CCDC6: variants seen among roughly 807,000 people sequenced by gnomAD.
CCDC6 encodes coiled-coil domain-containing protein 6.
In CCDC6, 20 loss-of-function variants were observed where a neutral mutation model predicts 56.6. The observed-to-expected ratio is 0.35, with a 90% CI of 0.25 to 0.51. The LOEUF (loss-of-function observed/expected upper bound fraction) is 0.51, where lower values mean the gene tolerates loss of function less well. Among genes scored for constraint, CCDC6 ranks in the 20% least tolerant of loss-of-function variants. The pLI, the probability that CCDC6 is intolerant of heterozygous loss-of-function variation, is 0.95. For synonymous variants in CCDC6, 241 were observed against 234.4 expected (o/e 1.03, Z -0.26); for missense variants, 367 against 601.1 (o/e 0.61, Z 4.07).
chr10:59,804,480 T>G lies in CCDC6; in HGVS notation c.1045A>C (p.Thr349Pro). Reference protein sequence around the residue: ...EMSAQGLRPRTVSSPIPYTPS... With the variant: ...EMSAQGLRPRPVSSPIPYTPS... ...GTGTAAGGGATCGGGCTGGACACAG[T>G]GCGAGGTCTTAATCCTTGTGCAGAC... The change falls in exon 7 of 9, where the codon ACT becomes CCT. Residue 349 changes from threonine to proline, a missense_variant. By Grantham distance (38) the Thr-to-Pro change is conservative (BLOSUM62 -1). Coordinates refer to ENST00000263102, the MANE Select transcript of CCDC6 (RefSeq NM_005436.5). The G allele has an allele frequency of 6.2e-7, 1 of 1,613,184 alleles. No homozygotes were observed. Among genetic ancestry groups the G allele is most frequent in the Non-Finnish European group, 8.5e-7 (1 of 1,179,230 alleles).
chr10:59,890,538 T>C (rs2071414209), intron 1 of CCDC6, among the ~76,000 whole-genome samples: 4 of 152,108 alleles, frequency 2.6e-5, no homozygotes, highest in Admixed American at 2.6e-4. Context: ...AAGGAAGAAC[T>C]GTGCTGAATG....
chr10:59,864,300 G>A (rs924505566), intron 1 of CCDC6, among the ~76,000 whole-genome samples: 1 of 152,130 alleles, frequency 6.6e-6, no homozygotes, highest in African/African-American at 2.4e-5. Flanking sequence ...CAGATGCAGA[G>A]TCCACTCAAA....
intron 1 of CCDC6, among the ~76,000 whole-genome samples, chr10:59,884,638 T>C (rs2071368752): frequency 1.5e-5 from 2 of 133,986 alleles, no homozygotes; most frequent in African/African-American, 5.0e-5. Flanking sequence ...ACTCATGAGA[T>C]GTGTAAAGTA....
At position 59,792,564 on chromosome 10, in the gene CCDC6, T is replaced by A. The variant is rs1486928159; in HGVS notation, c.*353A>T. ...CATGGAAAAAAATATAAAAAAGATA[T>A]CCCTTTTTCTTTTACAAACCTAAAA... On this transcript the variant is annotated 3_prime_UTR_variant, in exon 9 of 9. Transcript: ENST00000263102. 2 of 566,486 alleles carry A rather than the reference T, an allele frequency of 3.5e-6. No homozygotes were observed. Among genetic ancestry groups the A allele is most frequent in the Non-Finnish European group, 6.6e-6 (2 of 301,134 alleles). The allele number at this position is 566,486 out of a possible 1,614,324, so 35.1% of individuals were successfully genotyped here. A position where few individuals can be genotyped will look rare whatever the true frequency, so the allele number is the denominator to read the frequency against.
intron 2 of CCDC6, among the ~76,000 whole-genome samples, chr10:59,845,904 G>A (rs1022734681): frequency 1.3e-5 from 2 of 152,170 alleles, no homozygotes; most frequent in Non-Finnish European, 1.5e-5. Flanking sequence ...TAGTCTTGGC[G>A]CCTTTGAAAT....
At chr10:59,844,866 G>T (rs1419566127) in intron 2 of CCDC6, among the ~76,000 whole-genome samples, 1 of 151,774 alleles carries the variant, frequency 6.6e-6, no homozygotes, top group Non-Finnish European at 1.5e-5. Context: ...TTAGCCCAAA[G>T]AATTCATTCT....
Position 59,814,744 on chromosome 10 carries a change from C to T in CCDC6, c.594G>A (p.Glu198=). The change falls in exon 4 of 9, where the codon GAG becomes GAA. Residue 198 remains glutamate, a synonymous_variant. Coordinates refer to ENST00000263102, the MANE Select transcript of CCDC6 (RefSeq NM_005436.5). ...KQLTLEQLRR[E]KIDLENTLEQ... Reference sequence around the variant, plus strand: ...CCAATGTATTTTCAAGGTCAATCTTCTCCCGTCTCAACTAAAGGAAGGAAA... The same window carrying T: ...CCAATGTATTTTCAAGGTCAATCTTTTCCCGTCTCAACTAAAGGAAGGAAA... 6.2e-7 allele frequency: 1 copy of T among 1,609,284 alleles called. No individual in the cohort carries two copies. The highest frequency in any genetic ancestry group is 8.5e-7 in the Non-Finnish European group (1 of 1,175,682).
intron 1 of CCDC6, among the ~76,000 whole-genome samples, chr10:59,863,780 T>A (rs2071154767): frequency 2.6e-5 from 4 of 152,162 alleles, no homozygotes; most frequent in Non-Finnish European, 5.9e-5. Flanking sequence ...TTAAATGACC[T>A]TAGAAAGCAA....
intron 8 of CCDC6, 100 bp downstream of exon 8, chr10:59,794,373 A>T: frequency 8.4e-7 from 1 of 1,191,692 alleles, no homozygotes; most frequent in Non-Finnish European, 1.2e-6. Context: ...GGAGGCAGGA[A>T]GAAGGGCAAA....
Position 59,906,329 on chromosome 10 carries a change from G to T in CCDC6, c.96C>A (p.Gly32=). 6.3e-7 allele frequency: 1 copy of T among 1,599,896 alleles called. No homozygotes were observed. The highest frequency in any genetic ancestry group is 8.5e-7 in the Non-Finnish European group (1 of 1,178,816). Residue 32 remains glycine (G), a synonymous_variant, in exon 1 of 9, where the codon GGC becomes GGA. Coordinates refer to ENST00000263102, the MANE Select transcript of CCDC6 (RefSeq NM_005436.5). ...CGCCTCCCCCGCCGCCACCGCCGCC[G>T]CCCGAGGTCGACGAGCAGGACGACT... ...AMQSSCSSTS[G]GGGGGGGGGG...
chr10:59,818,670 G>A (rs531249535), intron 3 of CCDC6, among the ~76,000 whole-genome samples: 1 of 152,294 alleles, frequency 6.6e-6, no homozygotes, highest in African/African-American at 2.4e-5. Context: ...GTGTATGAGT[G>A]TGTCCTACAA....
rs370174864 is a variant in CCDC6, at chr10:59,814,055, CA to C, written c.686+596del. Among the ~76,000 whole-genome samples, 149 of 152,280 alleles carry C rather than the reference CA, an allele frequency of 9.8e-4. 1 individual carries two copies. The highest frequency in any genetic ancestry group is 3.4e-3 in the African/African-American group (143 of 41,556). ...CTTACAAGCCCTGCCTCACACACTCCAAAGTACTCAGTGCTTGAAAATAAGG... is the reference window on the plus strand; with the variant it reads ...CTTACAAGCCCTGCCTCACACACTCCAAGTACTCAGTGCTTGAAAATAAGG... On this transcript the variant is annotated intron_variant, in intron 4 of 8. Coordinates refer to ENST00000263102, the MANE Select transcript of CCDC6 (RefSeq NM_005436.5).
At chr10:59,880,809 T>C (rs992183050) in intron 1 of CCDC6, among the ~76,000 whole-genome samples, 1 of 152,200 alleles carries the variant, frequency 6.6e-6, no homozygotes, top group Non-Finnish European at 1.5e-5. Context: ...ACTCTTATAC[T>C]CACAGGCTCC....
chr10:59,895,420 C>A (rs2071454800), intron 1 of CCDC6, among the ~76,000 whole-genome samples: 2 of 152,202 alleles, frequency 1.3e-5, no homozygotes, highest in Admixed American at 1.3e-4. Flanking sequence ...ATCTGATAGT[C>A]ATGGGACCTC....
intron 2 of CCDC6, among the ~76,000 whole-genome samples, chr10:59,833,309 C>T (rs1312545488): frequency 6.6e-6 from 1 of 152,004 alleles, no homozygotes; most frequent in Non-Finnish European, 1.5e-5. Context: ...GTCAGCTGGG[C>T]GTGGTGACAG....
At position 59,807,002 on chromosome 10, in the gene CCDC6, C is replaced by T; in HGVS notation, c.924G>A (p.Leu308=). 6.2e-6 allele frequency: 10 copies of T among 1,613,972 alleles called. No individual in the cohort carries two copies. Among genetic ancestry groups the T allele is most frequent in the Non-Finnish European group, 8.5e-6 (10 of 1,179,868 alleles). ...REENLRLQRK[L]QREMERREAL... ...CTTCTCTTCTCTCCATCTCCCTCTG[C>T]AGCTTCCTCTGGAGCCTCAAGTTCT... The change falls in exon 6 of 9, where the codon CTG becomes CTA. Residue 308 remains leucine, a synonymous_variant. Transcript: ENST00000263102.
At chr10:59,809,090 T>C (rs992447172) in intron 5 of CCDC6, among the ~76,000 whole-genome samples, 1 of 152,206 alleles carries the variant, frequency 6.6e-6, no homozygotes, top group East Asian at 1.9e-4. Flanking sequence ...ATCCCAAATA[T>C]GCAAGCATGC....
In CCDC6 at chr10:59,859,123, G is replaced by A. The variant is rs182127657; in HGVS notation, c.304-6421C>T. Among the ~76,000 whole-genome samples, 8 of 152,112 alleles carry A rather than the reference G, an allele frequency of 5.3e-5. No individual in the cohort carries two copies. The East Asian group carries it at 1.4e-3, about 26-fold the overall frequency. ...TTAGCACTAAAAAGATACAAAAAGG[G>A]TTAGGGAGGGAACATGAACACAAGG... On this transcript the variant is annotated intron_variant, in intron 1 of 8. Coordinates refer to ENST00000263102, the MANE Select transcript of CCDC6 (RefSeq NM_005436.5).
chr10:59,807,212 T>C (rs941888800), intron 5 of CCDC6, 134 bp from the exon 6 acceptor site: 7 of 774,612 alleles, frequency 9.0e-6, no homozygotes, highest in Non-Finnish European at 1.0e-5. Flanking sequence ...TGGTCGGGTA[T>C]GGTGGCTCAC....
Sources: gnomAD v4.1 joint callset for allele counts (sites outside exome capture counted in the v4.1 genomes callset) on GRCh38, gnomAD v4.1.1 for gene constraint, MANE v1.5 for transcripts, NCBI Gene and HGNC (gene_info 2026-07-23, HGNC 2026-07-21) for gene names.